MACROD2: variants seen among roughly 807,000 people sequenced by gnomAD.
The protein encoded by MACROD2 is mono-ADP ribosylhydrolase 2.
Under a neutral mutation model 70.4 loss-of-function variants are expected in MACROD2, and 36 were observed. The observed-to-expected ratio is 0.51, with a 90% CI of 0.39 to 0.68. MACROD2 has a LOEUF of 0.68. Ranked by LOEUF, MACROD2 falls within the 30% of genes least tolerant of loss-of-function variation. The pLI, the probability that MACROD2 is intolerant of heterozygous loss-of-function variation, is 0.00. For missense variants in MACROD2, 496 were observed against 538.4 expected, an observed-to-expected ratio of 0.92 and a Z score of 0.78; for synonymous variants, 172 against 178.8, an observed-to-expected ratio of 0.96 and a Z score of 0.30.
chr20:15,326,932 G>C, intron 6 of MACROD2, among the ~76,000 whole-genome samples: 1 of 152,124 alleles, frequency 6.6e-6, no homozygotes, highest in Non-Finnish European at 1.5e-5. Flanking sequence ...CATGACTTTG[G>C]CTATTGTAGG....
At chr20:15,200,100 C>T (rs1183219242) in intron 5 of MACROD2, among the ~76,000 whole-genome samples, 1 of 152,170 alleles carries the variant, frequency 6.6e-6, no homozygotes, top group Non-Finnish European at 1.5e-5. Flanking sequence ...CCAAATTTAT[C>T]TTAACCTCTG....
intron 5 of MACROD2, among the ~76,000 whole-genome samples, chr20:15,203,416 T>C (rs549339864): frequency 6.6e-6 from 1 of 152,240 alleles, no homozygotes; most frequent in Non-Finnish European, 1.5e-5. Context: ...TTTCATTTAG[T>C]CACAGAGTGC....
intron 4 of MACROD2, among the ~76,000 whole-genome samples, chr20:14,625,152 C>A (rs1311794897): frequency 6.6e-6 from 1 of 151,832 alleles, no homozygotes; most frequent in Non-Finnish European, 1.5e-5. Context: ...CAACATGAAA[C>A]CCCGTCTCTA....
At chr20:14,207,773 T>C (rs1256799763) in intron 3 of MACROD2, among the ~76,000 whole-genome samples, 1 of 152,188 alleles carries the variant, frequency 6.6e-6, no homozygotes, top group African/African-American at 2.4e-5. Flanking sequence ...CATTATCCAC[T>C]TAGCCTGGAA....
At chr20:16,006,299 G>A (rs1166182562) in intron 15 of MACROD2, among the ~76,000 whole-genome samples, 1 of 152,066 alleles carries the variant, frequency 6.6e-6, no homozygotes, top group Non-Finnish European at 1.5e-5. Context: ...CCATTTTTGG[G>A]GAGCCTTAAG....
intron 3 of MACROD2, among the ~76,000 whole-genome samples, chr20:14,158,866 T>C (rs1277459269): frequency 1.3e-5 from 2 of 152,224 alleles, no homozygotes; most frequent in African/African-American, 4.8e-5. Flanking sequence ...TTGTCGTTTT[T>C]GCTCAGGATT....
chr20:14,490,892 G>A (rs1348866658), intron 3 of MACROD2, among the ~76,000 whole-genome samples: 1 of 152,076 alleles, frequency 6.6e-6, no homozygotes, highest in African/African-American at 2.4e-5. Context: ...TATTAATGAA[G>A]AAATTGACTA....
chr20:14,054,286 T>C (rs2053607746), intron 2 of MACROD2, among the ~76,000 whole-genome samples: 2 of 151,656 alleles, frequency 1.3e-5, no homozygotes, highest in African/African-American at 4.8e-5. Flanking sequence ...GCAAGATGTA[T>C]AAGGATGAGG....
chr20:14,715,176 A>G (rs1207857612), intron 5 of MACROD2, among the ~76,000 whole-genome samples: 2 of 152,168 alleles, frequency 1.3e-5, no homozygotes, highest in African/African-American at 2.4e-5. Context: ...GGCAAGAAGA[A>G]TGAGAGCTGA....
chr20:15,746,185 GTC>G (rs2065392205), intron 8 of MACROD2, among the ~76,000 whole-genome samples: 1 of 151,914 alleles, frequency 6.6e-6, no homozygotes, highest in Non-Finnish European at 1.5e-5. Flanking sequence ...TATTTTTAGT[GTC>G]TCTCAATAGA....
At position 15,369,901 on chromosome 20, in the gene MACROD2, G is replaced by A. The variant is rs190638936; in HGVS notation, c.541-61504G>A. ...AATAAAGATTGTGAAGCAAAATGTG[G>A]CATTTTAATTCTTGCACCTGGAATC... On this transcript the variant is annotated intron_variant, in intron 6 of 17. Coordinates refer to ENST00000684519, the MANE Select transcript of MACROD2 (RefSeq NM_001351661.2). Among the ~76,000 whole-genome samples, 16 of 152,196 alleles carry A rather than the reference G, an allele frequency of 1.1e-4. No homozygotes were observed. In the East Asian group the frequency reaches 2.9e-3, roughly 28 times the overall value.
chr20:16,003,889 T>TCAA (rs1241831988), intron 15 of MACROD2, among the ~76,000 whole-genome samples: 1 of 152,176 alleles, frequency 6.6e-6, no homozygotes, highest in Non-Finnish European at 1.5e-5. Flanking sequence ...CAGGCTGGTC[T>TCAA]CAAACACCTG....
chr20:15,693,793 G>A (rs990893534), intron 8 of MACROD2, among the ~76,000 whole-genome samples: 4 of 151,952 alleles, frequency 2.6e-5, no homozygotes, highest in African/African-American at 9.7e-5. Flanking sequence ...GGTGATTTTT[G>A]AGATTTTGGT....
intron 3 of MACROD2, among the ~76,000 whole-genome samples, chr20:14,466,076 G>C (rs2084443503): frequency 6.6e-6 from 1 of 151,988 alleles, no homozygotes; most frequent in African/African-American, 2.4e-5. Flanking sequence ...TTTGAATGTT[G>C]GCCTGCCTTG....
At chr20:15,733,698 A>T (rs911526440) in intron 8 of MACROD2, among the ~76,000 whole-genome samples, 1 of 152,196 alleles carries the variant, frequency 6.6e-6, no homozygotes, top group Admixed American at 6.5e-5. Context: ...AGTCAGGTCC[A>T]GTCCACCTGT....
intron 10 of MACROD2, among the ~76,000 whole-genome samples, chr20:15,892,347 C>A: frequency 6.6e-6 from 1 of 152,142 alleles, no homozygotes; most frequent in South Asian, 2.1e-4. Flanking sequence ...CTGACACTGT[C>A]CTCAGACTTT....
chr20:14,748,584 G>A (rs540642629), intron 5 of MACROD2, among the ~76,000 whole-genome samples: 1 of 152,188 alleles, frequency 6.6e-6, no homozygotes, highest in African/African-American at 2.4e-5. Flanking sequence ...GTAGAGAACT[G>A]TTAAATAAAA....
intron 2 of MACROD2, among the ~76,000 whole-genome samples, chr20:14,044,430 G>C (rs1000256737): frequency 2.0e-5 from 3 of 152,298 alleles, no homozygotes; most frequent in African/African-American, 7.2e-5. Flanking sequence ...TGAGCGGGTT[G>C]CCACTGCTGG....
At chr20:15,694,790 C>T (rs2146884140) in intron 8 of MACROD2, among the ~76,000 whole-genome samples, 1 of 152,244 alleles carries the variant, frequency 6.6e-6, no homozygotes, top group Admixed American at 6.5e-5. Context: ...GAAATCCTTG[C>T]CTAAGCTAAT....
Sources: gnomAD v4.1 joint callset for allele counts (sites outside exome capture counted in the v4.1 genomes callset) on GRCh38, gnomAD v4.1.1 for gene constraint, MANE v1.5 for transcripts, NCBI Gene and HGNC (gene_info 2026-07-23, HGNC 2026-07-21) for gene names.